Variants in OR10A5 observed in about 807,000 individuals in gnomAD.
OR10A5 encodes olfactory receptor 10A5.
In OR10A5, 7 loss-of-function variants were observed where a neutral mutation model predicts 6.0. The observed-to-expected ratio is 1.17, with a 90% CI of 0.66 to 2.20. The LOEUF is 2.20. OR10A5 is among the 30% of genes most tolerant of loss of function. OR10A5 has a pLI of 0.00. For synonymous variants in OR10A5, 149 were observed against 148.8 expected (o/e 1.00, Z -0.01); for missense variants, 369 against 378.1 (o/e 0.98, Z 0.20).
At position 6,846,540 on chromosome 11, in the gene OR10A5, G is replaced by A. The variant is rs150838676; in HGVS notation, c.858G>A (p.Leu286=). 123 of 1,613,968 alleles carry A rather than the reference G, an allele frequency of 7.6e-5. No homozygotes were observed. In the East Asian group the frequency reaches 1.8e-3, roughly 24 times the overall value. The change falls in exon 1 of 1, where the codon TTG becomes TTA. Residue 286 remains leucine, a synonymous_variant. Coordinates refer to ENST00000299454, the MANE Select transcript of OR10A5 (RefSeq NM_178168.1). ...CCTACACTGTTGTGACTCCCATGTT[G>A]AACCCCATTATCTACAGCTTGAGAA... The part of the protein sequence containing the change: ...SLSYTVVTPM[L]NPIIYSLRNS...
Position 6,846,548 on chromosome 11 carries a change from T to A in OR10A5, c.866T>A (p.Ile289Asn), listed in dbSNP as rs1415434820. The change falls in exon 1 of 1, where the codon ATT (isoleucine) becomes AAT (asparagine). Residue 289 changes from isoleucine (I) to asparagine (N), a missense_variant. By Grantham distance (149) the Ile-to-Asn change is moderately radical. Transcript: ENST00000299454. Reference sequence around the variant, plus strand: ...GTTGTGACTCCCATGTTGAACCCCATTATCTACAGCTTGAGAAATAGCGAG... The same window carrying A: ...GTTGTGACTCCCATGTTGAACCCCAATATCTACAGCTTGAGAAATAGCGAG... ...YTVVTPMLNP[I>N]IYSLRNSEVK... 2 of 1,613,936 alleles carry A rather than the reference T, an allele frequency of 1.2e-6. No homozygotes were observed. The highest frequency in any genetic ancestry group is 1.7e-6 in the Non-Finnish European group (2 of 1,179,934).
At position 6,845,942 on chromosome 11, in the gene OR10A5, T is replaced by C. The variant is rs1848206430; in HGVS notation, c.260T>C (p.Leu87Pro). 3 of 1,614,058 alleles carry C rather than the reference T, an allele frequency of 1.9e-6. No individual in the cohort carries two copies. In the South Asian group the frequency reaches 3.3e-5, roughly 18 times the overall value. The change falls in exon 1 of 1, where the codon CTT (leucine) becomes CCT (proline). Residue 87 changes from leucine to proline, a missense_variant. Physicochemically the swap from Leu to Pro is moderately conservative, Grantham distance 98. Coordinates refer to ENST00000299454, the MANE Select transcript of OR10A5 (RefSeq NM_178168.1). ...VIVPKMLGTLLAQDTTISFLG... is the reference protein window; with the variant it reads ...VIVPKMLGTLPAQDTTISFLG... ...GTGCCCAAAATGCTGGGGACCCTGC[T>C]TGCCCAGGACACAACCATCTCCTTC... is the stretch of plus-strand genomic sequence containing the variant.
Position 6,846,494 on chromosome 11 carries a change from G to A in OR10A5, c.812G>A (p.Ser271Asn), listed in dbSNP as rs751611521. 1 of 1,613,882 alleles carries A rather than the reference G, an allele frequency of 6.2e-7. No homozygotes were observed. Among genetic ancestry groups the A allele is most frequent in the East Asian group, 2.2e-5 (1 of 44,878 alleles). The change falls in exon 1 of 1, where the codon AGC becomes AAC. Residue 271 changes from serine to asparagine, a missense_variant. By Grantham distance (46) the Ser-to-Asn change is conservative. Coordinates refer to ENST00000299454, the MANE Select transcript of OR10A5 (RefSeq NM_178168.1). ...CCTAAATCAAATAATTCTCCTGAGA[G>A]CAAGAAGTTGTTATCATTATCCTAC... ...FWPKSNNSPESKKLLSLSYTV... is the reference protein window; with the variant it reads ...FWPKSNNSPENKKLLSLSYTV...
In OR10A5 at chr11:6,845,845, A is replaced by G; in HGVS notation, c.163A>G (p.Met55Val). 1 of 1,614,168 alleles carries G rather than the reference A, an allele frequency of 6.2e-7. No individual in the cohort carries two copies. Among genetic ancestry groups the G allele is most frequent in the Non-Finnish European group, 8.5e-7 (1 of 1,180,014 alleles). ...LIILVTLADP[M>V]LHSPMYFFLR... ...CATTCTGGTTACCCTAGCTGACCCCATGCTACACAGCCCCATGTACTTCTT... is the reference window on the plus strand; with the variant it reads ...CATTCTGGTTACCCTAGCTGACCCCGTGCTACACAGCCCCATGTACTTCTT... Residue 55 changes from methionine to valine, a missense_variant, in exon 1 of 1, where the codon ATG (methionine) becomes GTG (valine). Met to Val is a conservative substitution (Grantham distance 21, BLOSUM62 1). Transcript: ENST00000299454.
chr11:6,845,782 A>G lies in OR10A5; in HGVS notation c.100A>G (p.Thr34Ala), dbSNP rs1350744404. The change falls in exon 1 of 1, where the codon ACT (threonine) becomes GCT (alanine). Residue 34 changes from threonine to alanine, a missense_variant. Coordinates refer to ENST00000299454, the MANE Select transcript of OR10A5 (RefSeq NM_178168.1). ...GTCATTGCTCTTCCTGACATTTCTA[A>G]CTATCTATTTGGTTACTCTGAAGGG... ...IQSLLFLTFL[T>A]IYLVTLKGNS... 4 of 1,613,736 alleles carry G rather than the reference A, an allele frequency of 2.5e-6. No individual in the cohort carries two copies. The South Asian group carries it at 4.4e-5, about 18-fold the overall frequency.
chr11:6,846,088 A>T lies in OR10A5; in HGVS notation c.406A>T (p.Ile136Phe). The T allele has an allele frequency of 6.2e-7, 1 of 1,614,228 alleles. No homozygotes were observed. Residue 136 changes from isoleucine to phenylalanine, a missense_variant, in exon 1 of 1, where the codon ATC becomes TTC. Ile to Phe is a conservative substitution (Grantham distance 21). Coordinates refer to ENST00000299454, the MANE Select transcript of OR10A5 (RefSeq NM_178168.1). Reference sequence around the variant, plus strand: ...CTGCAGTCCCTTGCACTACCCAGTCATCATGAACCAAAGGACACGGGCCAA... The same window carrying T: ...CTGCAGTCCCTTGCACTACCCAGTCTTCATGAACCAAAGGACACGGGCCAA... ...AICSPLHYPV[I>F]MNQRTRAKLA...
Position 6,845,969 on chromosome 11 carries a change from T to C in OR10A5, c.287T>C (p.Leu96Pro). The C allele has an allele frequency of 6.2e-7, 1 of 1,614,236 alleles. No individual in the cohort carries two copies. Among genetic ancestry groups the C allele is most frequent in the East Asian group, 2.2e-5 (1 of 44,890 alleles). The change falls in exon 1 of 1, where the codon CTT becomes CCT. Residue 96 changes from leucine (L) to proline (P), a missense_variant. By Grantham distance (98) the Leu-to-Pro change is moderately conservative. Transcript: ENST00000299454. ...GCCCAGGACACAACCATCTCCTTCC[T>C]TGGCTGTGCCACTCAGATGTATTTC... ...LLAQDTTISFLGCATQMYFFF... is the reference protein window; with the variant it reads ...LLAQDTTISFPGCATQMYFFF...
chr11:6,846,584 C>T lies in OR10A5; in HGVS notation c.902C>T (p.Ala301Val), dbSNP rs1456565907. 1.9e-6 allele frequency: 3 copies of T among 1,612,980 alleles called. No homozygotes were observed. Among genetic ancestry groups the T allele is most frequent in the African/African-American group, 1.3e-5 (1 of 74,904 alleles). ...TTGAGAAATAGCGAGGTGAAGAATG[C>T]CCTCAGCAGGACCTTCCACAAGGTC... ...YSLRNSEVKN[A>V]LSRTFHKVLA... Residue 301 changes from alanine to valine, a missense_variant, in exon 1 of 1, where the codon GCC becomes GTC. Ala to Val is a moderately conservative substitution (Grantham distance 64). Transcript: ENST00000299454.
In OR10A5 at chr11:6,846,442, A is replaced by T. The variant is rs1848213569; in HGVS notation, c.760A>T (p.Ile254Leu). Reference sequence around the variant, plus strand: ...CCTCCTTGTTGTCTCTCTTTTCTATATATCTTCTAGCCTCACCTACTTCTG... The same window carrying T: ...CCTCCTTGTTGTCTCTCTTTTCTATTTATCTTCTAGCCTCACCTACTTCTG... ...SHLLVVSLFY[I>L]SSSLTYFWPK... Residue 254 changes from isoleucine to leucine, a missense_variant, in exon 1 of 1, where the codon ATA (isoleucine) becomes TTA (leucine). Coordinates refer to ENST00000299454, the MANE Select transcript of OR10A5 (RefSeq NM_178168.1). 6.2e-7 allele frequency: 1 copy of T among 1,614,008 alleles called. No individual in the cohort carries two copies. The highest frequency in any genetic ancestry group is 1.3e-5 in the African/African-American group (1 of 75,032).
At position 6,846,260 on chromosome 11, in the gene OR10A5, C is replaced by A. The variant is rs772928206; in HGVS notation, c.578C>A (p.Thr193Lys). Residue 193 changes from threonine to lysine, a missense_variant, in exon 1 of 1, where the codon ACA (threonine) becomes AAA (lysine). Physicochemically the swap from Thr to Lys is moderately conservative, Grantham distance 78 (BLOSUM62 -1). Transcript: ENST00000299454. ...PPVLKLVCAD[T>K]ALFEIYAIVG... ...GTGCTGAAGCTGGTCTGTGCAGACA[C>A]AGCACTGTTTGAGATCTACGCCATC... 2.3e-5 allele frequency: 37 copies of A among 1,614,106 alleles called. No homozygotes were observed. The highest frequency in any genetic ancestry group is 3.1e-5 in the Non-Finnish European group (36 of 1,180,044).
Position 6,846,256 on chromosome 11 carries a change from G to T in OR10A5, c.574G>T (p.Asp192Tyr). ...GCCTGTGCTGAAGCTGGTCTGTGCA[G>T]ACACAGCACTGTTTGAGATCTACGC... is the stretch of plus-strand genomic sequence containing the variant. ...SPPVLKLVCADTALFEIYAIV... is the reference protein window; with the variant it reads ...SPPVLKLVCAYTALFEIYAIV... Residue 192 changes from aspartate to tyrosine, a missense_variant, in exon 1 of 1, where the codon GAC becomes TAC. Physicochemically the swap from Asp to Tyr is radical, Grantham distance 160. Coordinates refer to ENST00000299454, the MANE Select transcript of OR10A5 (RefSeq NM_178168.1). 6.2e-7 allele frequency: 1 copy of T among 1,614,228 alleles called. No homozygotes were observed. Among genetic ancestry groups the T allele is most frequent in the Non-Finnish European group, 8.5e-7 (1 of 1,180,040 alleles).
rs1175194005 is a variant in OR10A5, at chr11:6,846,546, C to T, written c.864C>T (p.Pro288=). 2.5e-6 allele frequency: 4 copies of T among 1,614,022 alleles called. No individual in the cohort carries two copies. The highest frequency in any genetic ancestry group is 1.6e-4 in the Middle Eastern group (1 of 6,062). The part of the protein sequence containing the change: ...SYTVVTPMLN[P]IIYSLRNSEV... ...CTGTTGTGACTCCCATGTTGAACCC[C>T]ATTATCTACAGCTTGAGAAATAGCG... Residue 288 remains proline (P), a synonymous_variant, in exon 1 of 1, where the codon CCC becomes CCT. Coordinates refer to ENST00000299454, the MANE Select transcript of OR10A5 (RefSeq NM_178168.1).
At position 6,845,952 on chromosome 11, in the gene OR10A5, C is replaced by T; in HGVS notation, c.270C>T (p.Asp90=). The T allele has an allele frequency of 1.2e-6, 2 of 1,614,198 alleles. No homozygotes were observed. Among genetic ancestry groups the T allele is most frequent in the Non-Finnish European group, 1.7e-6 (2 of 1,180,028 alleles). Residue 90 remains aspartate (D), a synonymous_variant, in exon 1 of 1, where the codon GAC becomes GAT. Coordinates refer to ENST00000299454, the MANE Select transcript of OR10A5 (RefSeq NM_178168.1). ...TGCTGGGGACCCTGCTTGCCCAGGA[C>T]ACAACCATCTCCTTCCTTGGCTGTG... ...PKMLGTLLAQ[D]TTISFLGCAT...
In OR10A5 at chr11:6,846,454, C is replaced by T; in HGVS notation, c.772C>T (p.Leu258Phe). The T allele has an allele frequency of 2.5e-6, 4 of 1,614,138 alleles. No homozygotes were observed. Among genetic ancestry groups the T allele is most frequent in the South Asian group, 1.1e-5 (1 of 91,050 alleles). Residue 258 changes from leucine (L) to phenylalanine (F), a missense_variant, in exon 1 of 1, where the codon CTC becomes TTC. Transcript: ENST00000299454. ...CTCTCTTTTCTATATATCTTCTAGC[C>T]TCACCTACTTCTGGCCTAAATCAAA... ...VVSLFYISSS[L>F]TYFWPKSNNS...
chr11:6,845,721 C>T lies in OR10A5; in HGVS notation c.39C>T (p.Ile13=), dbSNP rs1221797235. The T allele has an allele frequency of 3.1e-6, 5 of 1,609,804 alleles. No individual in the cohort carries two copies. The East Asian group carries it at 1.1e-4, about 36-fold the overall frequency. The change falls in exon 1 of 1, where the codon ATC becomes ATT. Residue 13 remains isoleucine (I), a synonymous_variant. Transcript: ENST00000299454. ...IGNWTEISEF[I]LMSFSSLPTE... ...ACTGGACAGAAATAAGTGAATTTAT[C>T]CTCATGAGCTTCTCTTCCCTACCTA...
rs753626566 is a variant in OR10A5, at chr11:6,846,363, C to T, written c.681C>T (p.Leu227=). The T allele has an allele frequency of 8.7e-6, 14 of 1,614,242 alleles. No homozygotes were observed. Among genetic ancestry groups the T allele is most frequent in the African/African-American group, 1.3e-5 (1 of 75,066 alleles). Reference sequence around the variant, plus strand: ...ATACTCGCATTGCTGCTGCTATCCTCAAGATCCCATCAGCTAAAGGGAAGC... The same window carrying T: ...ATACTCGCATTGCTGCTGCTATCCTTAAGATCCCATCAGCTAAAGGGAAGC... ...CSYTRIAAAI[L]KIPSAKGKHK... Residue 227 remains leucine, a synonymous_variant, in exon 1 of 1, where the codon CTC becomes CTT. Coordinates refer to ENST00000299454, the MANE Select transcript of OR10A5 (RefSeq NM_178168.1).
At position 6,846,034 on chromosome 11, in the gene OR10A5, A is replaced by G. The variant is rs1271555448; in HGVS notation, c.352A>G (p.Thr118Ala). 3.7e-6 allele frequency: 6 copies of G among 1,614,066 alleles called. No homozygotes were observed. The highest frequency in any genetic ancestry group is 3.3e-5 in the Admixed American group (2 of 60,002). The change falls in exon 1 of 1, where the codon ACC becomes GCC. Residue 118 changes from threonine (T) to alanine (A), a missense_variant. Physicochemically the swap from Thr to Ala is moderately conservative, Grantham distance 58. Coordinates refer to ENST00000299454, the MANE Select transcript of OR10A5 (RefSeq NM_178168.1). Reference sequence around the variant, plus strand: ...GGTAGCTGAATGCTTCCTCCTGGCTACCATGGCATATGACCGCTATGTGGC... The same window carrying G: ...GGTAGCTGAATGCTTCCTCCTGGCTGCCATGGCATATGACCGCTATGTGGC... The part of the protein sequence containing the change: ...FGVAECFLLA[T>A]MAYDRYVAIC...
rs757002139 is a variant in OR10A5 at position 6,846,108 on chromosome 11, G to T, written c.426G>T (p.Arg142=). The T allele has an allele frequency of 2.4e-5, 38 of 1,614,166 alleles. No individual in the cohort carries two copies. Among genetic ancestry groups the T allele is most frequent in the Middle Eastern group, 1.7e-4 (1 of 6,060 alleles). Residue 142 remains arginine (R), a synonymous_variant, in exon 1 of 1, where the codon CGG becomes CGT. Coordinates refer to ENST00000299454, the MANE Select transcript of OR10A5 (RefSeq NM_178168.1). The part of the protein sequence containing the change: ...HYPVIMNQRT[R]AKLAAASWFP... The stretch of plus-strand genomic sequence containing the variant: ...CAGTCATCATGAACCAAAGGACACG[G>T]GCCAAACTGGCTGCTGCTTCCTGGT...
Position 6,846,543 on chromosome 11 carries a change from C to T in OR10A5, c.861C>T (p.Asn287=), listed in dbSNP as rs1421638839. ...ACACTGTTGTGACTCCCATGTTGAA[C>T]CCCATTATCTACAGCTTGAGAAATA... is the stretch of plus-strand genomic sequence containing the variant. The part of the protein sequence containing the change: ...LSYTVVTPML[N]PIIYSLRNSE... Residue 287 remains asparagine, a synonymous_variant, in exon 1 of 1, where the codon AAC becomes AAT. Transcript: ENST00000299454. 3.1e-6 allele frequency: 5 copies of T among 1,613,828 alleles called. No homozygotes were observed. In the Admixed American group the frequency reaches 5.0e-5, roughly 16 times the overall value.
Sources: gnomAD v4.1 joint callset for allele counts on GRCh38, gnomAD v4.1.1 for gene constraint, MANE v1.5 for transcripts, NCBI Gene and HGNC (gene_info 2026-07-23, HGNC 2026-07-21) for gene names.